CCDC148: variants seen among roughly 807,000 people sequenced by gnomAD.
CCDC148 encodes the protein coiled-coil domain containing 148.
In CCDC148, 89 loss-of-function variants were observed where a neutral mutation model predicts 85.7. That is an observed-to-expected ratio of 1.04 (90% CI 0.87 to 1.24). CCDC148 has a LOEUF of 1.24. CCDC148 is among the 50% of genes most tolerant of loss of function. The pLI is 0.00. For missense variants in CCDC148, 692 were observed against 671.7 expected (o/e 1.03, Z -0.33); for synonymous variants, 230 against 213.9 (o/e 1.08, Z -0.66).
At chr2:158,414,601 G>A (rs1357374853) in intron 1 of CCDC148, among the ~76,000 whole-genome samples, 2 of 152,024 alleles carry the variant, frequency 1.3e-5, no homozygotes, top group African/African-American at 2.4e-5. Flanking sequence ...AATAATGTGT[G>A]CTAGGCACTA....
intron 1 of CCDC148, among the ~76,000 whole-genome samples, chr2:158,399,218 C>T (rs1331476150): frequency 6.6e-6 from 1 of 152,170 alleles, no homozygotes; most frequent in Non-Finnish European, 1.5e-5. Context: ...GGTACCATTC[C>T]TTCTGAAACT....
At chr2:158,412,276 C>T (rs1233004608) in intron 1 of CCDC148, among the ~76,000 whole-genome samples, 1 of 152,090 alleles carries the variant, frequency 6.6e-6, no homozygotes, top group Non-Finnish European at 1.5e-5. Context: ...TGTTGTGCTA[C>T]CTGGGTTGCT....
At chr2:158,338,285 A>G (rs1682490067) in intron 7 of CCDC148, among the ~76,000 whole-genome samples, 1 of 152,182 alleles carries the variant, frequency 6.6e-6, no homozygotes. Flanking sequence ...TTTAACATAT[A>G]GAAGAAATTT....
chr2:158,183,417 G>A (rs1395216472), intron 11 of CCDC148, among the ~76,000 whole-genome samples: 1 of 152,116 alleles, frequency 6.6e-6, no homozygotes, highest in Non-Finnish European at 1.5e-5. Context: ...ACTTCAGTGA[G>A]AACCGGGCAA....
intron 10 of CCDC148, among the ~76,000 whole-genome samples, chr2:158,225,619 T>G (rs2105307274): frequency 6.6e-6 from 1 of 152,318 alleles, no homozygotes; most frequent in Non-Finnish European, 1.5e-5. Flanking sequence ...CAGACCACAG[T>G]GCAATCAAAC....
intron 2 of CCDC148, among the ~76,000 whole-genome samples, chr2:158,346,753 A>G (rs1348573628): frequency 6.6e-6 from 1 of 152,194 alleles, no homozygotes; most frequent in Non-Finnish European, 1.5e-5. Context: ...TTAAAAGATC[A>G]ATGCTGGAAA....
At chr2:158,254,769 G>A (rs965432) in intron 9 of CCDC148, among the ~76,000 whole-genome samples, 86,448 of 151,114 alleles carry the variant, frequency 0.57, 25,069 homozygotes, top group South Asian at 0.71. Flanking sequence ...AAGGGGAATC[G>A]TCATTGAATG....
chr2:158,309,651 A>G lies in CCDC148; in HGVS notation c.904-12T>C, dbSNP rs1327697828. On this transcript the variant is annotated splice_polypyrimidine_tract_variant and intron_variant, in intron 8 of 13. Coordinates refer to ENST00000283233, the MANE Select transcript of CCDC148 (RefSeq NM_138803.4). ...TTCTCGTGTTCAACCTGAAAAGATA[A>G]CAGAGGGTGAATACTTATCATTATG... The G allele has an allele frequency of 2.5e-6, 4 of 1,578,876 alleles. No individual in the cohort carries two copies. The Admixed American group carries it at 5.1e-5, about 20-fold the overall frequency.
At chr2:158,377,819 C>T (rs1447909117) in intron 1 of CCDC148, among the ~76,000 whole-genome samples, 8 of 152,008 alleles carry the variant, frequency 5.3e-5, no homozygotes, top group Admixed American at 5.2e-4. Context: ...TTTTAGTGCA[C>T]CTCAAACTGC....
At chr2:158,437,449 A>C (rs1390145607) in intron 1 of CCDC148, among the ~76,000 whole-genome samples, 1 of 152,200 alleles carries the variant, frequency 6.6e-6, no homozygotes, top group Non-Finnish European at 1.5e-5. Context: ...GAAAACTCTT[A>C]ATAAATTAGG....
chr2:158,174,751 T>C (rs1244493859), intron 13 of CCDC148, among the ~76,000 whole-genome samples: 1 of 152,012 alleles, frequency 6.6e-6, no homozygotes, highest in Non-Finnish European at 1.5e-5. Context: ...TGTAACACAA[T>C]GCTAAGTACT....
chr2:158,176,928 GA>G (rs1684619747), intron 12 of CCDC148, among the ~76,000 whole-genome samples: 1 of 151,984 alleles, frequency 6.6e-6, no homozygotes, highest in Non-Finnish European at 1.5e-5. Flanking sequence ...ATTAATTTCA[GA>G]AAACAATTTA....
At chr2:158,368,499 A>C (rs1684296206) in intron 1 of CCDC148, among the ~76,000 whole-genome samples, 1 of 152,156 alleles carries the variant, frequency 6.6e-6, no homozygotes, top group South Asian at 2.1e-4. Flanking sequence ...TTTTATGTTA[A>C]ATAATTTAAG....
At chr2:158,238,375 A>T (rs1262150809) in intron 10 of CCDC148, among the ~76,000 whole-genome samples, 2 of 152,034 alleles carry the variant, frequency 1.3e-5, no homozygotes, top group Non-Finnish European at 2.9e-5. Flanking sequence ...AGATTCTGAG[A>T]GGTGGGCAGA....
intron 11 of CCDC148, among the ~76,000 whole-genome samples, chr2:158,211,370 T>G (rs1686569380): frequency 6.6e-6 from 1 of 152,212 alleles, no homozygotes; most frequent in South Asian, 2.1e-4. Flanking sequence ...GTCAATTCAT[T>G]GACACATACA....
At chr2:158,415,136 TAA>T (rs11284036) in intron 1 of CCDC148, among the ~76,000 whole-genome samples, 4 of 144,830 alleles carry the variant, frequency 2.8e-5, no homozygotes, top group Admixed American at 1.4e-4. Flanking sequence ...AGTAATTCAT[TAA>T]AAAAAAAAAA....
intron 9 of CCDC148, among the ~76,000 whole-genome samples, chr2:158,290,385 A>G (rs780117485): frequency 1.3e-5 from 2 of 152,208 alleles, no homozygotes; most frequent in Non-Finnish European, 2.9e-5. Context: ...GTCATCCATT[A>G]TCATGCCTAC....
At chr2:158,413,943 T>C (rs1204615296) in intron 1 of CCDC148, among the ~76,000 whole-genome samples, 6 of 151,996 alleles carry the variant, frequency 3.9e-5, no homozygotes, top group Non-Finnish European at 7.4e-5. Flanking sequence ...ACCAAGAAGA[T>C]AGGAAATTTA....
At chr2:158,359,198 G>C (rs1683814653) in intron 1 of CCDC148, among the ~76,000 whole-genome samples, 1 of 152,126 alleles carries the variant, frequency 6.6e-6, no homozygotes, top group African/African-American at 2.4e-5. Context: ...CTAAGTTCAA[G>C]TAGCATAAAG....
Sources: gnomAD v4.1 joint callset for allele counts (sites outside exome capture counted in the v4.1 genomes callset) on GRCh38, gnomAD v4.1.1 for gene constraint, MANE v1.5 for transcripts, NCBI Gene and HGNC (gene_info 2026-07-23, HGNC 2026-07-21) for gene names.